The following NUP62 variants were observed in gnomAD, a reference collection of about 807,000 sequenced individuals.
NUP62 encodes nuclear pore glycoprotein p62.
For synonymous variants in NUP62, 305 were observed against 303.4 expected (o/e 1.01, Z -0.05); for missense variants, 647 against 689.4 (o/e 0.94, Z 0.69).
At chr19:49,909,908 T>C (rs1349539958) in intron 2 of NUP62, 24 bp from the exon 3 acceptor site, 1 of 1,329,390 alleles carries the variant, frequency 7.5e-7, no homozygotes, top group African/African-American at 1.5e-5. Context: ...AGTGACATTG[T>C]CAGATGGCAG....
chr19:49,922,575 GAC>G (rs1393153207), intron 2 of NUP62, among the ~76,000 whole-genome samples: 2 of 151,986 alleles, frequency 1.3e-5, no homozygotes, highest in Non-Finnish European at 2.9e-5. Context: ...CTCTGCTGTG[GAC>G]AGAGAGGATG....
Position 49,921,697 on chromosome 19 carries a change from T to C in NUP62, c.-78+5997A>G, listed in dbSNP as rs968815500. ...CCCCTCTGCCCATTGAGGGGGCACC[T>C]AGGGAGCCTAGGGGTCCCGTGAGGC... On this transcript the variant is annotated intron_variant, in intron 2 of 2. Coordinates refer to ENST00000352066, the MANE Select transcript of NUP62 (RefSeq NM_016553.5). The surrounding 1 kb of genome is among the most constrained non-coding windows in gnomAD (Gnocchi z 5.4). Among the ~76,000 whole-genome samples the C allele has an allele frequency of 3.9e-5, 6 of 152,256 alleles. 1 individual carries two copies. Among genetic ancestry groups the C allele is most frequent in the Admixed American group, 3.9e-4 (6 of 15,308 alleles).
intron 2 of NUP62, among the ~76,000 whole-genome samples, chr19:49,926,524 T>TA (rs1456204994): frequency 1.4e-5 from 2 of 144,932 alleles, no homozygotes; most frequent in Non-Finnish European, 3.1e-5. Flanking sequence ...AGCAAGACTC[T>TA]GTCTCAAAAA....
Position 49,908,943 on chromosome 19 carries a change from C to T in NUP62, c.865G>A (p.Gly289Ser), listed in dbSNP as rs773398011. Residue 289 changes from glycine (G) to serine (S), a missense_variant, in exon 3 of 3, where the codon GGC (glycine) becomes AGC (serine). Physicochemically the swap from Gly to Ser is moderately conservative, Grantham distance 56 (BLOSUM62 0). Transcript: ENST00000352066. ...AGTGGTTTTAAATTCAAGGCAAAGC[C>T]GGTGGTGCTGCTGCTGCTGGTGGTG... is the stretch of plus-strand genomic sequence containing the variant. The part of the protein sequence containing the change: ...ATTTSSSSTT[G>S]FALNLKPLAP... The T allele has an allele frequency of 2.6e-5, 42 of 1,608,996 alleles. No individual in the cohort carries two copies. The highest frequency in any genetic ancestry group is 1.7e-4 in the Admixed American group (10 of 59,864).
In NUP62 at chr19:49,921,625, C is replaced by T. The variant is rs1011851173; in HGVS notation, c.-78+6069G>A. 6.6e-6 allele frequency among the ~76,000 whole-genome samples: 1 copy of T among 152,232 alleles called. No homozygotes were observed. Among genetic ancestry groups the T allele is most frequent in the Non-Finnish European group, 1.5e-5 (1 of 68,038 alleles). ...GAGTCTGCATCAAACTGGGCTAAGG[C>T]CTGGCGCTCTGATGGCCGCTGACCT... On this transcript the variant is annotated intron_variant, in intron 2 of 2. Coordinates refer to ENST00000352066, the MANE Select transcript of NUP62 (RefSeq NM_016553.5). This position sits in a 1 kb window ranked among gnomAD's most constrained non-coding sequence, Gnocchi z 5.4.
chr19:49,924,196 A>G (rs1366011434), intron 2 of NUP62, among the ~76,000 whole-genome samples: 1 of 152,106 alleles, frequency 6.6e-6, no homozygotes, highest in Non-Finnish European at 1.5e-5. Context: ...CTGAGGTCCC[A>G]TCTAACTGGC....
intron 2 of NUP62, among the ~76,000 whole-genome samples, chr19:49,927,081 G>A (rs1472024808): frequency 6.6e-6 from 1 of 152,070 alleles, no homozygotes; most frequent in South Asian, 2.1e-4. Context: ...GGCTGGTCTC[G>A]AATTCCTGAG....
chr19:49,916,265 T>C (rs893573926), intron 2 of NUP62, among the ~76,000 whole-genome samples: 1 of 152,106 alleles, frequency 6.6e-6, no homozygotes. Context: ...CTCACATCTG[T>C]AATCTCAGCA....
chr19:49,922,038 C>T (rs753248031), intron 2 of NUP62, among the ~76,000 whole-genome samples: 7 of 152,206 alleles, frequency 4.6e-5, no homozygotes, highest in African/African-American at 1.2e-4. Context: ...TCCTGAATCA[C>T]GCCTCAACAC....
At chr19:49,928,937 G>A (rs2075984416) in intron 1 of NUP62, 1 of 152,538 alleles carries the variant, frequency 6.6e-6, no homozygotes, top group South Asian at 2.1e-4. Context: ...CCAGAGCTTA[G>A]AGTCAGGAGG....
intron 2 of NUP62, among the ~76,000 whole-genome samples, chr19:49,915,856 A>G (rs1037130873): frequency 1.3e-4 from 20 of 152,214 alleles, no homozygotes; most frequent in Admixed American, 6.5e-5. Flanking sequence ...CCCAGCCACG[A>G]TAGGCCATCT....
rs772416904 is a variant in NUP62 at position 49,909,588 on chromosome 19, A to G, written c.220T>C (p.Phe74Leu). ...GCAAGAGTCGCTGTTCCAAAAGTGA[A>G]GCCTGTCGTCTGTGTGGCCGGAGTC... ...TQTPATQTTG[F>L]TFGTATLASG... Residue 74 changes from phenylalanine to leucine, a missense_variant, in exon 3 of 3, where the codon TTC (phenylalanine) becomes CTC (leucine). Phe to Leu is a conservative substitution (Grantham distance 22). Transcript: ENST00000352066. The G allele has an allele frequency of 2.9e-5, 46 of 1,614,000 alleles. No individual in the cohort carries two copies. The highest frequency in any genetic ancestry group is 3.7e-5 in the Non-Finnish European group (44 of 1,180,018).
intron 2 of NUP62, among the ~76,000 whole-genome samples, chr19:49,912,461 G>A (rs944383302): frequency 6.6e-6 from 1 of 152,068 alleles, no homozygotes; most frequent in African/African-American, 2.4e-5. Context: ...GAGCCACTGC[G>A]CCCGGCCAAC....
chr19:49,923,530 G>A (rs1040409350), intron 2 of NUP62, among the ~76,000 whole-genome samples: 4 of 152,164 alleles, frequency 2.6e-5, no homozygotes, highest in Non-Finnish European at 4.4e-5. Context: ...CAGGCGTGGC[G>A]AGAACAGAGA....
chr19:49,907,537 CTTTTTTTTTT>C lies in NUP62; in HGVS notation c.*692_*701del, dbSNP rs4009637. 3.6e-5 allele frequency: 12 copies of C among 332,844 alleles called. No individual in the cohort carries two copies. Among genetic ancestry groups the C allele is most frequent in the Non-Finnish European group, 4.4e-5 (8 of 180,858 alleles). 20.6% of individuals were successfully genotyped at this position (332,844 alleles called of 1,614,324 possible). On this transcript the variant is annotated 3_prime_UTR_variant, in exon 3 of 3. Coordinates refer to ENST00000352066, the MANE Select transcript of NUP62 (RefSeq NM_016553.5). ...CTAGGCTGCTGTCTCCTGGGAGTTT[CTTTTTTTTTT>C]TTTTTTTTTTTGAGACAGAGTCTCT... is the stretch of plus-strand genomic sequence containing the variant.
intron 2 of NUP62, among the ~76,000 whole-genome samples, chr19:49,918,919 G>C (rs1361841797): frequency 4.6e-5 from 7 of 150,914 alleles, no homozygotes; most frequent in African/African-American, 1.7e-4. Flanking sequence ...CGGGGTGTGG[G>C]GGGGCGGATC....
rs3786666 is a variant in NUP62 at position 49,921,778 on chromosome 19, C to T, written c.-78+5916G>A. Among the ~76,000 whole-genome samples, 49,649 of 151,928 alleles carry T rather than the reference C, an allele frequency of 0.33. 8,439 individuals are homozygous for T. The highest frequency in any genetic ancestry group is 0.41 in the East Asian group (2,091 of 5,146). On this transcript the variant is annotated intron_variant, in intron 2 of 2. Coordinates refer to ENST00000352066, the MANE Select transcript of NUP62 (RefSeq NM_016553.5). The surrounding 1 kb of genome is among the most constrained non-coding windows in gnomAD (Gnocchi z 5.4). ...TCCCCGCAGCTCCGACCATGACCAT[C>T]CATCCTATGAGTGCTGGCTGGGCTC...
intron 2 of NUP62, among the ~76,000 whole-genome samples, chr19:49,915,171 G>GA (rs2075593173): frequency 6.6e-6 from 1 of 152,090 alleles, no homozygotes; most frequent in Admixed American, 6.5e-5. Flanking sequence ...GGGGTAGACA[G>GA]AAAAACGGCC....
intron 2 of NUP62, among the ~76,000 whole-genome samples, chr19:49,926,208 C>CAAAAAAAAA (rs33981121): frequency 2.4e-5 from 1 of 42,516 alleles, no homozygotes; most frequent in Non-Finnish European, 4.2e-5. Flanking sequence ...GACTCTGTCT[C>CAAAAAAAAA]AAAAAAAAAA....
Sources: gnomAD v4.1 joint callset for allele counts (sites outside exome capture counted in the v4.1 genomes callset) on GRCh38, gnomAD v4.1.1 for gene constraint, Gnocchi (gnomAD v3.1) non-coding constraint, MANE v1.5 for transcripts, NCBI Gene and HGNC (gene_info 2026-07-23, HGNC 2026-07-21) for gene names.